Variants in PKD1L3 observed in about 807,000 individuals in gnomAD.
PKD1L3 encodes polycystin-1-like protein 3.
PKD1L3 carries 239 observed loss-of-function variants against 184.1 expected under a neutral mutation model. The ratio of observed to expected loss-of-function variants is 1.30; its 90% CI spans 1.17 to 1.45. PKD1L3 has a LOEUF of 1.45. Among genes scored for constraint, PKD1L3 ranks in the 40% most tolerant of loss-of-function variants. The pLI is 0.00. For missense variants in PKD1L3, 2,660 were observed against 2,067.2 expected (o/e 1.29, Z -5.56); for synonymous variants, 996 against 778.8 (o/e 1.28, Z -4.64).
chr16:71,982,355 G>A (rs547662785), intron 6 of PKD1L3, 120 bp from the exon 7 acceptor site: 38 of 826,558 alleles, frequency 4.6e-5, no homozygotes, highest in South Asian at 3.0e-4. Context: ...GCGTGATATC[G>A]ACTCACTGCA....
intron 11 of PKD1L3, 147 bp downstream of exon 11, chr16:71,977,089 T>A: frequency 3.0e-6 from 2 of 664,412 alleles, no homozygotes; most frequent in Non-Finnish European, 5.1e-6. Context: ...GGTGCGCACT[T>A]GTAGTCCCAG....
chr16:71,980,025 G>C lies in PKD1L3; in HGVS notation c.1253C>G (p.Ala418Gly). The C allele has an allele frequency of 3.2e-6, 5 of 1,552,088 alleles. No homozygotes were observed. Among genetic ancestry groups the C allele is most frequent in the Non-Finnish European group, 4.4e-6 (5 of 1,147,082 alleles). ...ESSVTLTSAN[A>G]TLLLSRQNIS... The stretch of plus-strand genomic sequence containing the variant: ...CATTAACCTGCTCAGCAGCAGAGTA[G>C]CATTGGCAGAGGTCAAAGTCACTGA... The change falls in exon 8 of 30, where the codon GCT becomes GGT. Residue 418 changes from alanine (A) to glycine (G), a missense_variant. Coordinates refer to ENST00000620267, the MANE Select transcript of PKD1L3 (RefSeq NM_181536.2).
chr16:71,929,744 A>G (rs1000344998), intron 29 of PKD1L3, 66 bp from the exon 30 acceptor site: 5 of 1,371,328 alleles, frequency 3.6e-6, no homozygotes, highest in Non-Finnish European at 4.9e-6. Flanking sequence ...TGGAGTAAAA[A>G]AAGTACCAAA....
chr16:71,987,619 G>A (rs897671867), intron 4 of PKD1L3, among the ~76,000 whole-genome samples: 4 of 149,650 alleles, frequency 2.7e-5, no homozygotes, highest in East Asian at 2.0e-4. Context: ...CAAGTGATCC[G>A]CCACCTCGGC....
In PKD1L3 at chr16:71,942,604, C is replaced by G; in HGVS notation, c.4280G>C (p.Arg1427Thr). 6.4e-7 allele frequency: 1 copy of G among 1,551,624 alleles called. No individual in the cohort carries two copies. The highest frequency in any genetic ancestry group is 8.7e-7 in the Non-Finnish European group (1 of 1,147,000). Residue 1427 changes from arginine (R) to threonine (T), a missense_variant, in exon 24 of 30, where the codon AGG becomes ACG. Transcript: ENST00000620267. ...TCCATTCTCATTCTTGCTTGTCAGC[C>G]TTTCGTGAAGCTCATCAGTGGGAAT... ...VLIPTDELHE[R>T]LTSKNENGFS...
At position 71,973,410 on chromosome 16, in the gene PKD1L3, G is replaced by A; in HGVS notation, c.1867C>T (p.Pro623Ser). Reference sequence around the variant, plus strand: ...GCGGTGATGACCGAGACCAAGCTGGGTGTCTGCTGAGCACCCTCCTGCCTC... The same window carrying A: ...GCGGTGATGACCGAGACCAAGCTGGATGTCTGCTGAGCACCCTCCTGCCTC... ...SERQEGAQQT[P>S]SLVSVITAVT... is the part of the protein sequence containing the mutation. Residue 623 changes from proline to serine, a missense_variant, in exon 12 of 30, where the codon CCC becomes TCC. Coordinates refer to ENST00000620267, the MANE Select transcript of PKD1L3 (RefSeq NM_181536.2). 1 of 1,551,648 alleles carries A rather than the reference G, an allele frequency of 6.4e-7. No individual in the cohort carries two copies. The highest frequency in any genetic ancestry group is 8.7e-7 in the Non-Finnish European group (1 of 1,147,016).
chr16:71,931,595 G>T (rs536969519), intron 28 of PKD1L3, among the ~76,000 whole-genome samples: 15 of 151,418 alleles, frequency 9.9e-5, no homozygotes, highest in African/African-American at 2.9e-4. Flanking sequence ...CTCCTGAGTG[G>T]CTGGGATTAC....
At chr16:71,976,404 C>T (rs1041583935) in intron 11 of PKD1L3, among the ~76,000 whole-genome samples, 1 of 150,546 alleles carries the variant, frequency 6.6e-6, no homozygotes, top group African/African-American at 2.4e-5. Context: ...TACAGGTGCC[C>T]GCCACCACAC....
intron 17 of PKD1L3, among the ~76,000 whole-genome samples, chr16:71,953,749 G>A (rs2038938562): frequency 6.6e-6 from 1 of 152,122 alleles, no homozygotes; most frequent in Non-Finnish European, 1.5e-5. Flanking sequence ...AAGCATGGGA[G>A]AAACTGCCCC....
At chr16:71,955,045 AAAAAGG>A (rs2038992031) in intron 16 of PKD1L3, among the ~76,000 whole-genome samples, 1 of 152,126 alleles carries the variant, frequency 6.6e-6, no homozygotes, top group Non-Finnish European at 1.5e-5. Context: ...GAGGTGAGAA[AAAAAGG>A]ACAGCTTCAT....
intron 24 of PKD1L3, among the ~76,000 whole-genome samples, chr16:71,942,042 C>T (rs890739771): frequency 3.3e-5 from 5 of 151,680 alleles, no homozygotes; most frequent in African/African-American, 9.7e-5. Context: ...TGGCTGGGCA[C>T]GGTGGCTCAT....
chr16:71,967,448 A>AT (rs1397951204), intron 14 of PKD1L3, 133 bp from the exon 15 acceptor site: 1 of 898,664 alleles, frequency 1.1e-6, no homozygotes, highest in Admixed American at 2.9e-5. Flanking sequence ...AGCATAGATA[A>AT]TTCTTCATAT....
chr16:71,956,184 ATTTTTTTT>A (rs35268514), intron 16 of PKD1L3, among the ~76,000 whole-genome samples: 21 of 82,768 alleles, frequency 2.5e-4, no homozygotes, highest in East Asian at 4.8e-4. Flanking sequence ...AAAGGAAGGA[ATTTTTTTT>A]TTTTTTTTTT....
chr16:71,975,359 G>A (rs534976869), intron 11 of PKD1L3, among the ~76,000 whole-genome samples: 1 of 151,840 alleles, frequency 6.6e-6, no homozygotes, highest in South Asian at 2.1e-4. Flanking sequence ...CACCAGGCCA[G>A]ACATTTTTAA....
intron 2 of PKD1L3, among the ~76,000 whole-genome samples, chr16:71,997,891 C>T (rs1051932910): frequency 3.3e-5 from 5 of 152,202 alleles, no homozygotes; most frequent in African/African-American, 7.2e-5. Context: ...TCTCACCGTT[C>T]GACTTCTCAT....
In PKD1L3 at chr16:71,945,508, G is replaced by C. The variant is rs547919109; in HGVS notation, c.3719-1338C>G. Among the ~76,000 whole-genome samples, 202 of 150,728 alleles carry C rather than the reference G, an allele frequency of 1.3e-3. 1 individual carries two copies. The highest frequency in any genetic ancestry group is 4.8e-3 in the African/African-American group (198 of 41,052). On this transcript the variant is annotated intron_variant, in intron 22 of 29. Coordinates refer to ENST00000620267, the MANE Select transcript of PKD1L3 (RefSeq NM_181536.2). ...AGCCTGGCCAATATGGGAAAAACTT[G>C]TCTCTACTAAAAATAAAAAGTTATC...
chr16:71,944,463 A>T (rs1001083552), intron 22 of PKD1L3, among the ~76,000 whole-genome samples: 1 of 152,120 alleles, frequency 6.6e-6, no homozygotes, highest in Non-Finnish European at 1.5e-5. Context: ...AGGCAGCAGG[A>T]TCACTTGAGG....
chr16:71,986,539 T>TC (rs2040373672), intron 4 of PKD1L3, 70 bp from the exon 5 acceptor site: 1 of 1,457,592 alleles, frequency 6.9e-7, no homozygotes, highest in Non-Finnish European at 9.2e-7. Flanking sequence ...AGGCAGCATT[T>TC]CCCCAAATAC....
chr16:71,937,641 A>G (rs915095628), intron 24 of PKD1L3, among the ~76,000 whole-genome samples: 23 of 152,176 alleles, frequency 1.5e-4, no homozygotes, highest in Admixed American at 1.3e-3. Flanking sequence ...CAGTAGTGGG[A>G]AAGGATATGC....
Sources: gnomAD v4.1 joint callset for allele counts (sites outside exome capture counted in the v4.1 genomes callset) on GRCh38, gnomAD v4.1.1 for gene constraint, MANE v1.5 for transcripts, NCBI Gene and HGNC (gene_info 2026-07-23, HGNC 2026-07-21) for gene names.